Variants in SYT14 observed in about 807,000 individuals in gnomAD.
The protein encoded by SYT14 is synaptotagmin-14.
A neutral mutation model predicts 74.2 loss-of-function variants in SYT14; 32 were observed. The ratio of observed to expected loss-of-function variants is 0.43; its 90% CI spans 0.33 to 0.58. The LOEUF (loss-of-function observed/expected upper bound fraction) is 0.58, where lower values mean the gene tolerates loss of function less well. Among genes scored for constraint, SYT14 ranks in the 20% least tolerant of loss-of-function variants. SYT14 has a pLI of 0.05. For missense variants in SYT14, 791 were observed against 981.8 expected, an observed-to-expected ratio of 0.81 and a Z score of 2.60; for synonymous variants, 298 against 337.7, an observed-to-expected ratio of 0.88 and a Z score of 1.29.
At chr1:210,140,181 G>C (rs1486970027) in intron 7 of SYT14, among the ~76,000 whole-genome samples, 2 of 151,986 alleles carry the variant, frequency 1.3e-5, no homozygotes, top group Non-Finnish European at 2.9e-5. Context: ...ATCTTATTAT[G>C]GTTTTGATTT....
At chr1:209,963,615 ATATC>A (rs1178148548) in intron 2 of SYT14, among the ~76,000 whole-genome samples, 1 of 152,220 alleles carries the variant, frequency 6.6e-6, no homozygotes, top group Non-Finnish European at 1.5e-5. Flanking sequence ...AGGAGAAAAA[ATATC>A]TACAGAGGAC....
intron 5 of SYT14, among the ~76,000 whole-genome samples, chr1:210,075,098 C>A (rs538681097): frequency 3.9e-5 from 6 of 152,194 alleles, no homozygotes; most frequent in Admixed American, 1.3e-4. Flanking sequence ...AGTCCGACCG[C>A]TCAGCGGCCC....
chr1:209,999,454 A>G (rs1242722692), intron 2 of SYT14, among the ~76,000 whole-genome samples: 3 of 152,146 alleles, frequency 2.0e-5, no homozygotes, highest in Admixed American at 2.0e-4. Flanking sequence ...ACCTGCATCC[A>G]TAGTTTCTTG....
rs114652936 is a variant in SYT14 at position 210,005,140 on chromosome 1, A to G, written c.-485-8493A>G. 8.0e-3 allele frequency among the ~76,000 whole-genome samples: 1,210 copies of G among 152,130 alleles called. 21 individuals are homozygous for G. Among genetic ancestry groups the G allele is most frequent in the African/African-American group, 0.028 (1,152 of 41,556 alleles). ...CACAGTAAATCTATTGAACCATTCA[A>G]TGTTTTCAGCAAAAGCTACTTCTCT... On this transcript the variant is annotated intron_variant, in intron 2 of 9. Coordinates refer to ENST00000637265, the Ensembl canonical transcript of SYT14.
chr1:210,123,220 A>G (rs1198601659), intron 7 of SYT14, among the ~76,000 whole-genome samples: 2 of 3,000 alleles, frequency 6.7e-4, no homozygotes, highest in African/African-American at 3.2e-3. Flanking sequence ...GTTTACAACA[A>G]TAAATACATA....
chr1:209,943,404 C>T (rs989257499), intron 1 of SYT14, among the ~76,000 whole-genome samples: 5 of 148,924 alleles, frequency 3.4e-5, no homozygotes, highest in African/African-American at 7.6e-5. Flanking sequence ...ACTGGGGAGG[C>T]TGAGGCAGGA....
At chr1:209,956,282 C>CAAA (rs1553257599) in intron 2 of SYT14, among the ~76,000 whole-genome samples, 2 of 151,502 alleles carry the variant, frequency 1.3e-5, no homozygotes, top group African/African-American at 4.9e-5. Context: ...TGAACAAACC[C>CAAA]CAAATAATGA....
intron 2 of SYT14, among the ~76,000 whole-genome samples, chr1:209,966,245 T>A (rs2079156415): frequency 6.6e-6 from 1 of 152,218 alleles, no homozygotes; most frequent in African/African-American, 2.4e-5. Context: ...TTTATTACTA[T>A]AGCTTTATAA....
rs574452713 is a variant in SYT14 at position 209,956,534 on chromosome 1, G to C, written c.-486+3778G>C. Among the ~76,000 whole-genome samples, 32 of 152,236 alleles carry C rather than the reference G, an allele frequency of 2.1e-4. 1 individual carries two copies. The South Asian group carries it at 6.4e-3, about 31-fold the overall frequency. On this transcript the variant is annotated intron_variant, in intron 2 of 9. Coordinates refer to ENST00000637265, the Ensembl canonical transcript of SYT14. ...GATTTTTATGGGATAGGCCTGGAAG[G>C]AAAGTACATTCCTTAAGATTACCAT... is the stretch of plus-strand genomic sequence containing the variant.
chr1:210,043,778 G>C (rs1279935799), intron 5 of SYT14, among the ~76,000 whole-genome samples: 2 of 152,090 alleles, frequency 1.3e-5, no homozygotes, highest in African/African-American at 4.8e-5. Context: ...CTGTGAGTCT[G>C]TTTACTCAGA....
chr1:210,117,165 T>G (rs1363453913), intron 7 of SYT14, among the ~76,000 whole-genome samples: 10 of 152,188 alleles, frequency 6.6e-5, no homozygotes, highest in African/African-American at 2.2e-4. Context: ...AATTTCAACC[T>G]TTAATTTCTA....
intron 2 of SYT14, among the ~76,000 whole-genome samples, chr1:209,958,027 C>T (rs1054729413): frequency 7.2e-5 from 11 of 151,912 alleles, no homozygotes; most frequent in East Asian, 1.9e-4. Context: ...ATAGCAATTC[C>T]GTTACTTTAA....
chr1:210,122,979 T>C (rs944930032), intron 7 of SYT14, among the ~76,000 whole-genome samples: 22 of 152,230 alleles, frequency 1.4e-4, no homozygotes, highest in Non-Finnish European at 4.4e-5. Context: ...TACTCAACTG[T>C]GTCCAGTTAT....
chr1:210,151,449 G>A (rs1016653120), intron 7 of SYT14, among the ~76,000 whole-genome samples: 7 of 151,632 alleles, frequency 4.6e-5, no homozygotes, highest in Non-Finnish European at 8.8e-5. Flanking sequence ...AGAACTCCTG[G>A]GGTCAAGTGG....
At chr1:210,136,034 A>C (rs1365066093) in intron 7 of SYT14, among the ~76,000 whole-genome samples, 7 of 152,188 alleles carry the variant, frequency 4.6e-5, no homozygotes, top group Admixed American at 4.6e-4. Context: ...AGTGAGACTT[A>C]AGCATATTTA....
intron 5 of SYT14, among the ~76,000 whole-genome samples, chr1:210,065,933 G>A (rs1323220936): frequency 6.7e-6 from 1 of 148,908 alleles, no homozygotes; most frequent in Admixed American, 6.8e-5. Flanking sequence ...GTGTCCATGT[G>A]TTCTCATTGT....
intron 2 of SYT14, among the ~76,000 whole-genome samples, chr1:209,986,462 A>T (rs2079571391): frequency 6.6e-6 from 1 of 151,986 alleles, no homozygotes; most frequent in African/African-American, 2.4e-5. Flanking sequence ...ATTTAAAAAA[A>T]ATTAGCCGGG....
chr1:210,117,995 A>G (rs572982089), intron 7 of SYT14, among the ~76,000 whole-genome samples: 21 of 152,348 alleles, frequency 1.4e-4, no homozygotes, highest in African/African-American at 4.8e-4. Flanking sequence ...ATGTTTTTCA[A>G]CAATGAAAGA....
chr1:210,056,420 TC>T, intron 5 of SYT14, among the ~76,000 whole-genome samples: 1 of 151,998 alleles, frequency 6.6e-6, no homozygotes, highest in Non-Finnish European at 1.5e-5. Flanking sequence ...AAAATGAGGG[TC>T]AGGGAATCAG....
Sources: gnomAD v4.1 joint callset for allele counts (sites outside exome capture counted in the v4.1 genomes callset) on GRCh38, gnomAD v4.1.1 for gene constraint, MANE v1.5 for transcripts, NCBI Gene and HGNC (gene_info 2026-07-23, HGNC 2026-07-21) for gene names.